The following SHISA9 variants were observed in gnomAD, a reference collection of about 807,000 sequenced individuals.
SHISA9 encodes the protein protein shisa-9.
Under a neutral mutation model 38.0 loss-of-function variants are expected in SHISA9, and 13 were observed. The ratio of observed to expected loss-of-function variants is 0.34; its 90% CI spans 0.22 to 0.54. SHISA9 has a LOEUF of 0.54. SHISA9 is among the 20% of genes least tolerant of loss of function. The probability of loss-of-function intolerance (pLI) is 0.91; values close to 1 mark genes in which losing one functional copy is unlikely to be tolerated. For synonymous variants in SHISA9, 275 were observed against 242.0 expected (o/e 1.14, Z -1.27); for missense variants, 538 against 575.8 (o/e 0.93, Z 0.67).
At chr16:13,395,980 C>A in the SHISA9 span, among the ~76,000 whole-genome samples, 2 of 152,158 alleles carry the variant, frequency 1.3e-5, no homozygotes. Context: ...AAAAATTAAT[C>A]TCTTTTTATT....
the SHISA9 span, among the ~76,000 whole-genome samples, chr16:13,535,559 C>G: frequency 3.9e-5 from 6 of 152,164 alleles, no homozygotes; most frequent in Non-Finnish European, 1.5e-5. Context: ...TGTGTTTATG[C>G]TATAATGGCA....
chr16:12,950,083 T>A (rs901018478), intron 2 of SHISA9, among the ~76,000 whole-genome samples: 1 of 152,214 alleles, frequency 6.6e-6, no homozygotes, highest in Non-Finnish European at 1.5e-5. Flanking sequence ...TGAGATAAAC[T>A]TTTTTCGTTC....
the SHISA9 span, among the ~76,000 whole-genome samples, chr16:13,290,937 C>G: frequency 6.6e-6 from 1 of 152,148 alleles, no homozygotes; most frequent in Admixed American, 6.6e-5. Flanking sequence ...ATTGTGGTCT[C>G]TTTCCCATTG....
chr16:13,114,867 A>G (rs1458541460), intron 2 of SHISA9, among the ~76,000 whole-genome samples: 2 of 152,042 alleles, frequency 1.3e-5, no homozygotes, highest in African/African-American at 4.8e-5. Context: ...GGGGCTTTAT[A>G]TATGTTTATA....
chr16:13,312,961 TA>T, the SHISA9 span, among the ~76,000 whole-genome samples: 9 of 151,686 alleles, frequency 5.9e-5, no homozygotes, highest in South Asian at 6.3e-4. Context: ...AAATGTTAAA[TA>T]AAAAAAACCC....
At chr16:13,113,159 A>T (rs1255001807) in intron 2 of SHISA9, among the ~76,000 whole-genome samples, 1 of 148,712 alleles carries the variant, frequency 6.7e-6, no homozygotes, top group East Asian at 2.0e-4. Context: ...GCAGTGAGCC[A>T]AGATCATCCT....
the SHISA9 span, among the ~76,000 whole-genome samples, chr16:13,433,611 G>A: frequency 7.5e-4 from 114 of 152,162 alleles, no homozygotes; most frequent in African/African-American, 2.6e-3. Flanking sequence ...TAAGATTCAT[G>A]TTCTCACCAC....
intron 2 of SHISA9, among the ~76,000 whole-genome samples, chr16:12,917,864 C>A (rs2071278847): frequency 6.6e-6 from 1 of 152,136 alleles, no homozygotes; most frequent in East Asian, 1.9e-4. Flanking sequence ...GTTTTATTTG[C>A]TGAATCATAG....
intron 4 of SHISA9, among the ~76,000 whole-genome samples, chr16:13,220,633 T>G (rs568769056): frequency 1.3e-5 from 2 of 152,204 alleles, no homozygotes; most frequent in East Asian, 1.9e-4. Context: ...GCTGGGAGGA[T>G]GATTGGAAGA....
At chr16:13,011,234 C>A (rs34493962) in intron 2 of SHISA9, among the ~76,000 whole-genome samples, 30,047 of 151,284 alleles carry the variant, frequency 0.2, 4,044 homozygotes, top group Middle Eastern at 0.32. Context: ...AGGTATACAA[C>A]ATGATGTTAT....
chr16:13,392,327 T>C, the SHISA9 span, among the ~76,000 whole-genome samples: 3 of 152,172 alleles, frequency 2.0e-5, no homozygotes, highest in Non-Finnish European at 4.4e-5. Flanking sequence ...TAGATAACAA[T>C]CTATTTTTCA....
At chr16:13,283,983 A>T in the SHISA9 span, among the ~76,000 whole-genome samples, 1 of 152,094 alleles carries the variant, frequency 6.6e-6, no homozygotes, top group East Asian at 1.9e-4. Context: ...CTTACAAGTG[A>T]CCCCCTGCAT....
At chr16:13,549,884 A>C in the SHISA9 span, among the ~76,000 whole-genome samples, 9 of 152,036 alleles carry the variant, frequency 5.9e-5, no homozygotes, top group Admixed American at 4.6e-4. Flanking sequence ...TTAGCTGGGC[A>C]TGGTCGTAAG....
At chr16:13,416,201 A>G in the SHISA9 span, among the ~76,000 whole-genome samples, 1 of 152,232 alleles carries the variant, frequency 6.6e-6, no homozygotes, top group South Asian at 2.1e-4. Context: ...AGGCTTATAG[A>G]AAGAGTTATA....
chr16:13,512,315 C>CTTTTCAAG, the SHISA9 span, among the ~76,000 whole-genome samples: 1 of 151,960 alleles, frequency 6.6e-6, no homozygotes, highest in Non-Finnish European at 1.5e-5. Flanking sequence ...CGTGAAGGAC[C>CTTTTCAAG]TTTTCAAGGA....
the SHISA9 span, among the ~76,000 whole-genome samples, chr16:13,506,634 C>G: frequency 6.6e-6 from 1 of 152,082 alleles, no homozygotes; most frequent in Non-Finnish European, 1.5e-5. Flanking sequence ...TAAGCAAAAA[C>G]AAAGAGGATG....
chr16:13,471,339 C>T, the SHISA9 span, among the ~76,000 whole-genome samples: 6 of 152,114 alleles, frequency 3.9e-5, no homozygotes, highest in African/African-American at 1.4e-4. Context: ...TTTTAAAATG[C>T]TAATTTATTA....
At chr16:13,092,466 G>C (rs181756377) in intron 2 of SHISA9, among the ~76,000 whole-genome samples, 1 of 152,190 alleles carries the variant, frequency 6.6e-6, no homozygotes, top group Admixed American at 6.5e-5. Context: ...TTGAGCTGTG[G>C]TGGGCTCCGT....
chr16:13,252,090 A>G, the SHISA9 span, among the ~76,000 whole-genome samples: 11 of 152,194 alleles, frequency 7.2e-5, no homozygotes, highest in Non-Finnish European at 1.0e-4. Context: ...CTCCATGTAA[A>G]GTCAAAATCC....
Sources: gnomAD v4.1 joint callset for allele counts (sites outside exome capture counted in the v4.1 genomes callset) on GRCh38, gnomAD v4.1.1 for gene constraint, MANE v1.5 for transcripts, NCBI Gene and HGNC (gene_info 2026-07-23, HGNC 2026-07-21) for gene names.